DNAH2: variants seen among roughly 807,000 people sequenced by gnomAD.
The protein encoded by DNAH2 is dynein axonemal heavy chain 2.
In DNAH2, 323 loss-of-function variants were observed where a neutral mutation model predicts 523.5. That is an observed-to-expected ratio of 0.62 (90% CI 0.56 to 0.68). The LOEUF (loss-of-function observed/expected upper bound fraction) is 0.68. DNAH2 is among the 30% of genes least tolerant of loss of function. The pLI, the probability that DNAH2 is intolerant of heterozygous loss-of-function variation, is 0.00. For missense variants in DNAH2, 4,907 were observed against 5,701.5 expected, an observed-to-expected ratio of 0.86 and a Z score of 4.49; for synonymous variants, 2,093 against 2,177.4, an observed-to-expected ratio of 0.96 and a Z score of 1.08.
At chr17:7,824,452 A>AC in intron 76 of DNAH2, 85 bp from the exon 77 acceptor site, 1 of 1,371,468 alleles carries the variant, frequency 7.3e-7, no homozygotes, top group Non-Finnish European at 9.6e-7. Flanking sequence ...CCCCCCCAGC[A>AC]CCCCCACCCC....
At chr17:7,793,495 C>CTT (rs1394398240) in intron 48 of DNAH2, among the ~76,000 whole-genome samples, 1 of 135,320 alleles carries the variant, frequency 7.4e-6, no homozygotes, top group Non-Finnish European at 1.7e-5. Context: ...TTCTTTCTTT[C>CTT]TTTCTTTCTT....
In DNAH2 at chr17:7,770,257, G is replaced by A; in HGVS notation, c.3947G>A (p.Trp1316Ter). The A allele has an allele frequency of 1.2e-6, 2 of 1,603,818 alleles. No homozygotes were observed. The highest frequency in any genetic ancestry group is 4.5e-5 in the East Asian group (2 of 44,872). The change falls in exon 25 of 86, where the codon TGG becomes TAG. Residue 1316 changes from tryptophan to a stop codon, truncating the protein, a stop_gained. Transcript: ENST00000572933. LOFTEE classifies it high-confidence loss of function. Reference protein sequence around the residue: ...LRNPALRERHWDQVRDEIQRE... With the variant: ...LRNPALRERH ...CCTCCTGTTCCTGGCTGCAGGCACT[G>A]GGACCAGGTCCGGGATGAGATCCAG...
chr17:7,817,291 G>A lies in DNAH2; in HGVS notation c.9896G>A (p.Gly3299Asp). 1.9e-6 allele frequency: 3 copies of A among 1,594,524 alleles called. No individual in the cohort carries two copies. The highest frequency in any genetic ancestry group is 2.6e-6 in the Non-Finnish European group (3 of 1,174,942). Residue 3299 changes from glycine to aspartate, a missense_variant and splice_region_variant, in exon 65 of 86, where the codon GGC becomes GAC. By Grantham distance (94) the Gly-to-Asp change is moderately conservative. Coordinates refer to ENST00000572933, the MANE Select transcript of DNAH2 (RefSeq NM_020877.5). ...EKARWEETVQ[G>D]LEEDLGYLVG... ...CTTACCCTCCCTCCTGTCCGCCAGG[G>A]CCTGGAGGAGGACCTGGGCTACCTG... is the stretch of plus-strand genomic sequence containing the variant.
intron 39 of DNAH2, among the ~76,000 whole-genome samples, chr17:7,782,472 G>A (rs1472452373): frequency 6.6e-6 from 1 of 152,122 alleles, no homozygotes; most frequent in Non-Finnish European, 1.5e-5. Context: ...CCAGGTGACT[G>A]GAAGAAGCAA....
intron 77 of DNAH2, among the ~76,000 whole-genome samples, chr17:7,825,956 C>T (rs2078006955): frequency 6.6e-6 from 1 of 152,178 alleles, no homozygotes; most frequent in African/African-American, 2.4e-5. Context: ...TGATGGCTCA[C>T]ACCTGTAATC....
Position 7,818,977 on chromosome 17 carries a change from C to T in DNAH2, c.10729C>T (p.His3577Tyr). Residue 3577 changes from histidine (H) to tyrosine (Y), a missense_variant, in exon 71 of 86, where the codon CAT (histidine) becomes TAT (tyrosine). Physicochemically the swap from His to Tyr is moderately conservative, Grantham distance 83. Around this residue, in one of 3 missense-constraint regions of DNAH2, gnomAD observed 1,851 missense variants for 2,139.4 expected, o/e 0.87. Transcript: ENST00000572933. ...TGATGTGCAGCTGGTGAACACGCTG[C>T]ATACCTCCAAGATCACAGCCACAGA... ...LDDVQLVNTL[H>Y]TSKITATEVT... 1 of 1,612,066 alleles carries T rather than the reference C, an allele frequency of 6.2e-7. No individual in the cohort carries two copies. The highest frequency in any genetic ancestry group is 8.5e-7 in the Non-Finnish European group (1 of 1,179,974).
chr17:7,734,266 G>T lies in DNAH2; in HGVS notation c.712G>T (p.Asp238Tyr). ...MNMKPEMVIKDKELVQRLETS... is the reference protein window; with the variant it reads ...MNMKPEMVIKYKELVQRLETS... ...CATGAAGCCTGAGATGGTGATAAAG[G>T]ACAAAGAGCTGGTGCAACGGCTAGA... The change falls in exon 6 of 86, where the codon GAC becomes TAC. Residue 238 changes from aspartate to tyrosine, a missense_variant. By Grantham distance (160) the Asp-to-Tyr change is radical. Transcript: ENST00000572933. The T allele has an allele frequency of 6.2e-7, 1 of 1,607,342 alleles. No individual in the cohort carries two copies. Among genetic ancestry groups the T allele is most frequent in the South Asian group, 1.1e-5 (1 of 89,756 alleles).
At chr17:7,784,986 G>T (rs1274308258) in intron 39 of DNAH2, among the ~76,000 whole-genome samples, 2 of 152,104 alleles carry the variant, frequency 1.3e-5, no homozygotes, top group Non-Finnish European at 2.9e-5. Flanking sequence ...ATAAAGAGAT[G>T]CATTTGAATG....
intron 9 of DNAH2, 96 bp downstream of exon 9, chr17:7,740,034 T>A: frequency 1.1e-6 from 1 of 931,676 alleles, no homozygotes; most frequent in Non-Finnish European, 1.4e-6. Context: ...AAGGAAATGG[T>A]GGAAGGACAG....
rs986820917 is a variant in DNAH2, at chr17:7,786,071, C to T, written c.6130-53C>T. ...TGGCACCGGGGAGATTTTGAAAGCCCTTTAAAGGCCTCATCCTTTTTCTTC... is the reference window on the plus strand; with the variant it reads ...TGGCACCGGGGAGATTTTGAAAGCCTTTTAAAGGCCTCATCCTTTTTCTTC... On this transcript the variant is annotated intron_variant, in intron 39 of 85. Coordinates refer to ENST00000572933, the MANE Select transcript of DNAH2 (RefSeq NM_020877.5). This position sits in a 1 kb window ranked among gnomAD's most constrained non-coding sequence, Gnocchi z 7.5. 6.3e-7 allele frequency: 1 copy of T among 1,594,928 alleles called. No individual in the cohort carries two copies. Among genetic ancestry groups the T allele is most frequent in the African/African-American group, 1.3e-5 (1 of 74,446 alleles).
At chr17:7,783,657 G>A (rs1351872633) in intron 39 of DNAH2, among the ~76,000 whole-genome samples, 19 of 151,948 alleles carry the variant, frequency 1.3e-4, no homozygotes, top group African/African-American at 4.1e-4. Context: ...AATGAGCCAG[G>A]TGTAATGGCT....
rs370156278 is a variant in DNAH2, at chr17:7,770,330, G to A, written c.4020G>A (p.Val1340=). ...AAAGCTTCACCTTGGAGCAGATTGTGGAGCTTGGGATGGATCAGCATGTGG... is the reference window on the plus strand; with the variant it reads ...AAAGCTTCACCTTGGAGCAGATTGTAGAGCTTGGGATGGATCAGCATGTGG... ...ESESFTLEQI[V]ELGMDQHVEK... The change falls in exon 25 of 86, where the codon GTG becomes GTA. Residue 1340 remains valine (V), a synonymous_variant. Coordinates refer to ENST00000572933, the MANE Select transcript of DNAH2 (RefSeq NM_020877.5). 1 of 1,613,988 alleles carries A rather than the reference G, an allele frequency of 6.2e-7. No individual in the cohort carries two copies. The highest frequency in any genetic ancestry group is 1.3e-5 in the African/African-American group (1 of 74,916).
At chr17:7,752,738 TTAAC>T (rs1207170533) in intron 12 of DNAH2, among the ~76,000 whole-genome samples, 1 of 152,036 alleles carries the variant, frequency 6.6e-6, no homozygotes, top group Non-Finnish European at 1.5e-5. Context: ...TATGTTCAGT[TTAAC>T]TAACAAATCA....
At position 7,833,331 on chromosome 17, in the gene DNAH2, C is replaced by A. The variant is rs776838950; in HGVS notation, c.13130-48C>A. The stretch of plus-strand genomic sequence containing the variant: ...CCGCTCCTGCCCTGCTCCTGCCCTG[C>A]TCTCCCGGAGGCTCCAGGGGTCTGA... On this transcript the variant is annotated intron_variant, in intron 85 of 85. Coordinates refer to ENST00000572933, the MANE Select transcript of DNAH2 (RefSeq NM_020877.5). 3.7e-6 allele frequency: 6 copies of A among 1,609,382 alleles called. No individual in the cohort carries two copies. In the Admixed American group the frequency reaches 8.3e-5, roughly 22 times the overall value.
chr17:7,812,979 C>T (rs942195525), intron 63 of DNAH2, among the ~76,000 whole-genome samples: 1 of 149,366 alleles, frequency 6.7e-6, no homozygotes, highest in Non-Finnish European at 1.5e-5. Flanking sequence ...AAAATGGATA[C>T]ACCAGGCAAC....
chr17:7,829,143 T>G, intron 77 of DNAH2, among the ~76,000 whole-genome samples: 1 of 152,052 alleles, frequency 6.6e-6, no homozygotes, highest in Non-Finnish European at 1.5e-5. Flanking sequence ...GCCTCCCGAG[T>G]AGCTGGGACT....
chr17:7,734,415 TGCTGTTGGGA>T, intron 6 of DNAH2, 45 bp from the exon 7 acceptor site: 1 of 1,603,734 alleles, frequency 6.2e-7, no homozygotes, highest in Non-Finnish European at 8.5e-7. Flanking sequence ...GAGTGAAGGA[TGCTGTTGGGA>T]AGCAGTGTGA....
At position 7,798,349 on chromosome 17, in the gene DNAH2, A is replaced by AGGAATAAAAGATC; in HGVS notation, c.8398+26_8398+38dup. Reference sequence around the variant, plus strand: ...GGTACGGCTGGGTTTCTGAAATGCTAGGAATAAAAGATCAGATGCATACAT... The same window carrying AGGAATAAAAGATC: ...GGTACGGCTGGGTTTCTGAAATGCTAGGAATAAAAGATCGGAATAAAAGATCAGATGCATACAT... On this transcript the variant is annotated intron_variant, in intron 54 of 85. Coordinates refer to ENST00000572933, the MANE Select transcript of DNAH2 (RefSeq NM_020877.5). The surrounding 1 kb of genome is among the most constrained non-coding windows in gnomAD (Gnocchi z 5.5). 2 of 1,594,586 alleles carry AGGAATAAAAGATC rather than the reference A, an allele frequency of 1.3e-6. No individual in the cohort carries two copies. The highest frequency in any genetic ancestry group is 1.7e-6 in the Non-Finnish European group (2 of 1,168,094).
chr17:7,833,049 A>G (rs1317479750), intron 84 of DNAH2, 22 bp from the exon 85 acceptor site: 3 of 1,613,128 alleles, frequency 1.9e-6, no homozygotes, highest in South Asian at 1.1e-5. Flanking sequence ...CTTCTCCCAG[A>G]CCTGCTCCCA....
Sources: gnomAD v4.1 joint callset for allele counts (sites outside exome capture counted in the v4.1 genomes callset) on GRCh38, gnomAD v4.1.1 for gene constraint, gnomAD v4.1.1 regional missense constraint, Gnocchi (gnomAD v3.1) non-coding constraint, MANE v1.5 for transcripts, NCBI Gene and HGNC (gene_info 2026-07-23, HGNC 2026-07-21) for gene names.